HIPK2: variants seen among roughly 807,000 people sequenced by gnomAD.
The protein encoded by HIPK2 is homeodomain-interacting protein kinase 2.
Under a neutral mutation model 113.7 loss-of-function variants are expected in HIPK2, and 27 were observed. The observed-to-expected ratio is 0.24, with a 90% CI of 0.17 to 0.33. The LOEUF is 0.33. Ranked by LOEUF, HIPK2 falls within the 10% of genes least tolerant of loss-of-function variation. The pLI, the probability that HIPK2 is intolerant of heterozygous loss-of-function variation, is 1.00. For synonymous variants in HIPK2, 631 were observed against 642.2 expected (o/e 0.98, Z 0.26); for missense variants, 1,257 against 1,588.0 (o/e 0.79, Z 3.54).
At chr7:139,615,903 C>T (rs975164038) in intron 7 of HIPK2, among the ~76,000 whole-genome samples, 5 of 152,146 alleles carry the variant, frequency 3.3e-5, no homozygotes, top group African/African-American at 9.7e-5. Context: ...TTTGCAGCGT[C>T]GCATAGTCTG....
chr7:139,759,071 TAAAG>T (rs147790308), intron 1 of HIPK2, among the ~76,000 whole-genome samples: 267 of 152,110 alleles, frequency 1.8e-3, no homozygotes, highest in Non-Finnish European at 3.4e-3. Context: ...AGACTATACA[TAAAG>T]AGCTTTCAGA....
chr7:139,598,294 T>A (rs1319695806), intron 11 of HIPK2, among the ~76,000 whole-genome samples: 1 of 152,220 alleles, frequency 6.6e-6, no homozygotes, highest in African/African-American at 2.4e-5. Flanking sequence ...GGGATGGCAG[T>A]AAAATGAAAA....
intron 2 of HIPK2, among the ~76,000 whole-genome samples, chr7:139,646,863 G>A (rs1300652151): frequency 6.6e-6 from 1 of 152,024 alleles, no homozygotes; most frequent in East Asian, 1.9e-4. Context: ...GAGGGGCGGT[G>A]AGGCAGCACC....
At chr7:139,603,560 C>A (rs1035177065) in intron 10 of HIPK2, among the ~76,000 whole-genome samples, 2 of 152,114 alleles carry the variant, frequency 1.3e-5, no homozygotes, top group African/African-American at 2.4e-5. Flanking sequence ...TGAAGAGGCA[C>A]ACTCAGCAAA....
intron 2 of HIPK2, among the ~76,000 whole-genome samples, chr7:139,641,831 A>G (rs549477834): frequency 2.0e-4 from 30 of 152,330 alleles, no homozygotes; most frequent in Middle Eastern, 3.4e-3. Context: ...GTTCACTGCC[A>G]CTCCGAACTT....
chr7:139,706,798 C>A (rs1794911903), intron 2 of HIPK2, among the ~76,000 whole-genome samples: 1 of 152,230 alleles, frequency 6.6e-6, no homozygotes, highest in Non-Finnish European at 1.5e-5. Flanking sequence ...ATTCTCTTTC[C>A]ATTTACAAAT....
At chr7:139,771,437 T>C (rs1010184224) in intron 1 of HIPK2, among the ~76,000 whole-genome samples, 1 of 151,766 alleles carries the variant, frequency 6.6e-6, no homozygotes, top group Non-Finnish European at 1.5e-5. Context: ...CAGATACAAG[T>C]ACAAGAAAAA....
intron 1 of HIPK2, among the ~76,000 whole-genome samples, chr7:139,750,634 T>C (rs770247906): frequency 6.6e-6 from 1 of 152,228 alleles, no homozygotes; most frequent in Non-Finnish European, 1.5e-5. Flanking sequence ...TCAGACCTGT[T>C]ATTTTGGCCT....
At chr7:139,657,835 C>T (rs73156882) in intron 2 of HIPK2, among the ~76,000 whole-genome samples, 9,254 of 152,266 alleles carry the variant, frequency 0.061, 396 homozygotes, top group African/African-American at 0.12. Flanking sequence ...CAGTGTTACA[C>T]AATAAGTGCT....
chr7:139,634,631 A>AACATC (rs1336168607), intron 2 of HIPK2, among the ~76,000 whole-genome samples: 4 of 150,892 alleles, frequency 2.7e-5, no homozygotes, highest in Non-Finnish European at 5.9e-5. Flanking sequence ...GTTTATTTAA[A>AACATC]ACATCACATC....
chr7:139,572,604 A>C lies in HIPK2; in HGVS notation c.*323T>G. 4.3e-6 allele frequency: 1 copy of C among 234,928 alleles called. No individual in the cohort carries two copies. Among genetic ancestry groups the C allele is most frequent in the East Asian group, 8.1e-5 (1 of 12,346 alleles). 14.6% of individuals were successfully genotyped at this position (234,928 alleles called of 1,614,324 possible). A position where few individuals can be genotyped will look rare whatever the true frequency, so the allele number is the denominator to read the frequency against. On this transcript the variant is annotated 3_prime_UTR_variant, in exon 15 of 15. Coordinates refer to ENST00000406875, the MANE Select transcript of HIPK2 (RefSeq NM_022740.5). ...GGGTTCTTGAGCTGGGTTTTTTGTT[A>C]TTGACTTTTTTTTTTTCCTTTTTCT...
intron 2 of HIPK2, among the ~76,000 whole-genome samples, chr7:139,655,085 C>G (rs192349336): frequency 1.3e-5 from 2 of 152,210 alleles, no homozygotes; most frequent in East Asian, 3.9e-4. Context: ...GGGGGGAATT[C>G]GCTTGGATAA....
chr7:139,694,558 G>T (rs1393337752), intron 2 of HIPK2, among the ~76,000 whole-genome samples: 3 of 152,104 alleles, frequency 2.0e-5, no homozygotes, highest in African/African-American at 7.2e-5. Context: ...GGTCTGCCTG[G>T]GTCTCAAAGC....
chr7:139,624,130 C>A (rs986720407), intron 6 of HIPK2, among the ~76,000 whole-genome samples: 5 of 151,752 alleles, frequency 3.3e-5, no homozygotes, highest in Admixed American at 2.6e-4. Context: ...TCAAGCGATT[C>A]TTGTGCTTCA....
At chr7:139,668,191 C>T (rs1006525869) in intron 2 of HIPK2, among the ~76,000 whole-genome samples, 58 of 149,540 alleles carry the variant, frequency 3.9e-4, no homozygotes, top group South Asian at 2.1e-4. Context: ...CTAAAATCAA[C>T]GGTATCTTAT....
chr7:139,707,841 C>T (rs1794948087), intron 2 of HIPK2, among the ~76,000 whole-genome samples: 1 of 152,174 alleles, frequency 6.6e-6, no homozygotes, highest in African/African-American at 2.4e-5. Flanking sequence ...GTAAGTCATG[C>T]AGGAAGGAAG....
intron 2 of HIPK2, among the ~76,000 whole-genome samples, chr7:139,654,590 G>A (rs543724969): frequency 3.3e-5 from 5 of 152,172 alleles, no homozygotes. Flanking sequence ...TGCATTTAGG[G>A]AGCATGGAGT....
chr7:139,651,982 A>ATGGCTCTCTAACATAGAGAGTTAT (rs1193850646), intron 2 of HIPK2, among the ~76,000 whole-genome samples: 4 of 152,232 alleles, frequency 2.6e-5, no homozygotes, highest in Admixed American at 1.3e-4. Flanking sequence ...TTAGAGAGGA[A>ATGGCTCTCTAACATAGAGAGTTAT]GGCTCTGGCG....
chr7:139,568,092 C>T lies in HIPK2; in HGVS notation c.*4835G>A, dbSNP rs1208778859. On this transcript the variant is annotated 3_prime_UTR_variant, in exon 15 of 15. Coordinates refer to ENST00000406875, the MANE Select transcript of HIPK2 (RefSeq NM_022740.5). ...TGTTCCAATATGAGTGTTTGCCATT[C>T]CCAAGGTCCAACCAAGGGAAATCGT... 1 of 152,338 alleles carries T rather than the reference C, an allele frequency of 6.6e-6. No homozygotes were observed. The highest frequency in any genetic ancestry group is 1.5e-5 in the Non-Finnish European group (1 of 68,122). 9.4% of individuals were successfully genotyped at this position (152,338 alleles called of 1,614,324 possible).
Sources: allele counts gnomAD v4.1 joint callset (sites outside exome capture counted in the v4.1 genomes callset), GRCh38; gene constraint gnomAD v4.1.1; transcripts MANE v1.5; gene names NCBI Gene and HGNC (gene_info 2026-07-23, HGNC 2026-07-21).